PAQR9: variants seen among roughly 807,000 people sequenced by gnomAD.
The protein encoded by PAQR9 is progestin and adipoQ receptor family member 9.
Under a neutral mutation model 24.0 loss-of-function variants are expected in PAQR9, and 12 were observed. The observed-to-expected ratio is 0.50, with a 90% CI of 0.32 to 0.81. The LOEUF is 0.81. Ranked by LOEUF, PAQR9 falls within the 30% of genes least tolerant of loss-of-function variation. The pLI is 0.03. For missense variants in PAQR9, 418 were observed against 520.8 expected, an observed-to-expected ratio of 0.80 and a Z score of 1.92; for synonymous variants, 266 against 237.6, an observed-to-expected ratio of 1.12 and a Z score of -1.10.
At position 142,963,432 on chromosome 3, in the gene PAQR9, G is replaced by A. The variant is rs1934956862; in HGVS notation, c.-96C>T. The A allele has an allele frequency of 2.8e-6, 3 of 1,054,636 alleles. No individual in the cohort carries two copies. In the South Asian group the frequency reaches 1.4e-4, roughly 48 times the overall value. The allele number at this position is 1,054,636 out of a possible 1,614,324, so 65.3% of individuals were successfully genotyped here. On this transcript the variant is annotated 5_prime_UTR_variant, in exon 1 of 1. Coordinates refer to ENST00000340634, the MANE Select transcript of PAQR9 (RefSeq NM_198504.4). ...CGCCGGCCGCCGTCGGAGCCTTTGTGCCCACGCCGGGGGCGTCGCTGCAGG... is the reference window on the plus strand; with the variant it reads ...CGCCGGCCGCCGTCGGAGCCTTTGTACCCACGCCGGGGGCGTCGCTGCAGG...
chr3:142,952,053 G>GT (rs1934722768), downstream of PAQR9, among the ~76,000 whole-genome samples: 3 of 149,358 alleles, frequency 2.0e-5, no homozygotes, highest in Admixed American at 6.7e-5. Flanking sequence ...AAGAAGGGGG[G>GT]GGGGTGTTGT....
In PAQR9 at chr3:142,957,638, A is replaced by T. The variant is rs563019408; in HGVS notation, c.*4565T>A. Among the ~76,000 whole-genome samples, 4 of 152,324 alleles carry T rather than the reference A, an allele frequency of 2.6e-5. No individual in the cohort carries two copies. In the East Asian group the frequency reaches 7.7e-4, roughly 29 times the overall value. ...AGACATCTCAATTTAGGCACTTTGG[A>T]TGATCCACTCTTCATAATAGTATGA... On this transcript the variant is annotated 3_prime_UTR_variant, in exon 1 of 1. Coordinates refer to ENST00000340634, the MANE Select transcript of PAQR9 (RefSeq NM_198504.4).
chr3:142,962,281 G>A lies in PAQR9; in HGVS notation c.1056C>T (p.Tyr352=). 1 of 1,614,198 alleles carries A rather than the reference G, an allele frequency of 6.2e-7. No individual in the cohort carries two copies. The highest frequency in any genetic ancestry group is 8.5e-7 in the Non-Finnish European group (1 of 1,180,044). Residue 352 remains tyrosine, a synonymous_variant, in exon 1 of 1, where the codon TAC becomes TAT. Coordinates refer to ENST00000340634, the MANE Select transcript of PAQR9 (RefSeq NM_198504.4). ...AAPTFSGTVG[Y]MLLLVVCLGL... ...CCAGGCAGACCACCAGCAGCAGCAT[G>A]TAGCCCACAGTACCCGAGAAAGTGG...
At chr3:142,950,637 A>G (rs4683440), downstream of PAQR9, 208,575 of 378,862 alleles carry the variant, frequency 0.55, 60,958 homozygotes, top group African/African-American at 0.85. Flanking sequence ...CTATGGGGTA[A>G]CTCAGAGAAT....
rs1236074781 is a variant in PAQR9 at position 142,955,447 on chromosome 3, A to T, written c.*6756T>A. Among the ~76,000 whole-genome samples, 2 of 106,184 alleles carry T rather than the reference A, an allele frequency of 1.9e-5. No individual in the cohort carries two copies. The highest frequency in any genetic ancestry group is 1.4e-4 in the African/African-American group (2 of 14,260). The allele number at this position is 106,184 out of a possible 152,430, so 69.7% of individuals were successfully genotyped here. On this transcript the variant is annotated 3_prime_UTR_variant, in exon 1 of 1. Coordinates refer to ENST00000340634, the MANE Select transcript of PAQR9 (RefSeq NM_198504.4). ...ACCACATGGTCTATACAAATTAAAA[A>T]AAAAAAAAAAAAAAAAAAAAAAAAA... is the stretch of plus-strand genomic sequence containing the variant.
chr3:142,962,113 A>C lies in PAQR9; in HGVS notation c.*90T>G. On this transcript the variant is annotated 3_prime_UTR_variant, in exon 1 of 1. Coordinates refer to ENST00000340634, the MANE Select transcript of PAQR9 (RefSeq NM_198504.4). ...GCACCTTCCTTGAGCAAAGAAGAAAACACAATGAAATTTGAAAACAAACCA... is the reference window on the plus strand; with the variant it reads ...GCACCTTCCTTGAGCAAAGAAGAAACCACAATGAAATTTGAAAACAAACCA... 7.0e-7 allele frequency: 1 copy of C among 1,421,862 alleles called. No homozygotes were observed. Among genetic ancestry groups the C allele is most frequent in the Non-Finnish European group, 9.6e-7 (1 of 1,036,972 alleles). The allele number at this position is 1,421,862 out of a possible 1,614,324, so 88.1% of individuals were successfully genotyped here.
Position 142,956,340 on chromosome 3 carries a change from G to A in PAQR9, c.*5863C>T, listed in dbSNP as rs536504066. ...CCATTCTGCCTTGAGTGCTTATTGCGTATTTTGGGTGGAGGTATAAGGCAT... is the reference window on the plus strand; with the variant it reads ...CCATTCTGCCTTGAGTGCTTATTGCATATTTTGGGTGGAGGTATAAGGCAT... On this transcript the variant is annotated 3_prime_UTR_variant, in exon 1 of 1. Transcript: ENST00000340634. 5.3e-5 allele frequency among the ~76,000 whole-genome samples: 8 copies of A among 152,268 alleles called. No individual in the cohort carries two copies. Among genetic ancestry groups the A allele is most frequent in the East Asian group, 1.9e-4 (1 of 5,184 alleles).
rs766708197 is a variant in PAQR9 at position 142,962,180 on chromosome 3, G to T, written c.*23C>A. 7.5e-6 allele frequency: 12 copies of T among 1,603,328 alleles called. No individual in the cohort carries two copies. Among genetic ancestry groups the T allele is most frequent in the Non-Finnish European group, 1.0e-5 (12 of 1,173,616 alleles). ...AAACTCCAAACAGATGGGCGAACCA[G>T]TAGTCTCCTCCAAGGCGGAGGCTCA... On this transcript the variant is annotated 3_prime_UTR_variant, in exon 1 of 1. Transcript: ENST00000340634.
rs1234513165 is a variant in PAQR9, at chr3:142,963,090, C to T, written c.247G>A (p.Glu83Lys). The part of the protein sequence containing the change: ...CLASVLKPTN[E>K]TLNFWTHFIP... ...AAGTGCGTCCAGAAGTTGAGCGTCTCGTTGGTAGGCTTCAGCACCGAGGCT... is the reference window on the plus strand; with the variant it reads ...AAGTGCGTCCAGAAGTTGAGCGTCTTGTTGGTAGGCTTCAGCACCGAGGCT... Residue 83 changes from glutamate to lysine, a missense_variant, in exon 1 of 1, where the codon GAG becomes AAG. By Grantham distance (56) the Glu-to-Lys change is moderately conservative (BLOSUM62 1). Around this residue, in one of 3 missense-constraint regions of PAQR9, gnomAD observed 180 missense variants for 190.3 expected, o/e 0.95. Coordinates refer to ENST00000340634, the MANE Select transcript of PAQR9 (RefSeq NM_198504.4). 4 of 1,614,028 alleles carry T rather than the reference C, an allele frequency of 2.5e-6. No homozygotes were observed. The highest frequency in any genetic ancestry group is 3.4e-6 in the Non-Finnish European group (4 of 1,179,946).
chr3:142,952,979 C>G (rs1377672387), downstream of PAQR9: 6 of 434,024 alleles, frequency 1.4e-5, no homozygotes, highest in Non-Finnish European at 2.3e-5. Context: ...AGATACGAGA[C>G]AGCCCAAATG....
rs748604127 is a variant in PAQR9, at chr3:142,963,289, C to T, written c.48G>A (p.Pro16=). The T allele has an allele frequency of 3.4e-6, 5 of 1,459,958 alleles. No individual in the cohort carries two copies. Among genetic ancestry groups the T allele is most frequent in the African/African-American group, 2.9e-5 (2 of 69,294 alleles). 90.4% of individuals were successfully genotyped at this position (1,459,958 alleles called of 1,614,324 possible). ...QPRGAGTKGP[P]APAPAASGAA... is the part of the protein sequence containing the mutation. The stretch of plus-strand genomic sequence containing the variant: ...CCCCCGAAGCTGCCGGGGCCGGGGC[C>T]GGAGGGCCTTTTGTGCCCGCGCCCC... The change falls in exon 1 of 1, where the codon CCG becomes CCA. Residue 16 remains proline (P), a synonymous_variant. Coordinates refer to ENST00000340634, the MANE Select transcript of PAQR9 (RefSeq NM_198504.4).
chr3:142,952,877 G>C (rs1205997511), downstream of PAQR9: 2 of 456,518 alleles, frequency 4.4e-6, no homozygotes, highest in African/African-American at 4.0e-5. Context: ...GGGCAAGAGA[G>C]CTGAGAATCA....
downstream of PAQR9, chr3:142,950,709 G>A (rs942843529): frequency 4.9e-6 from 1 of 204,106 alleles, no homozygotes; most frequent in Admixed American, 5.2e-5. Context: ...CTCTGGGCTT[G>A]CAGGGCTACC....
chr3:142,963,280 G>A lies in PAQR9; in HGVS notation c.57C>T (p.Ala19=), dbSNP rs1199777975. ...TCCGGGCGGCCCCCGAAGCTGCCGGGGCCGGGGCCGGAGGGCCTTTTGTGC... is the reference window on the plus strand; with the variant it reads ...TCCGGGCGGCCCCCGAAGCTGCCGGAGCCGGGGCCGGAGGGCCTTTTGTGC... ...GAGTKGPPAP[A]PAASGAARNS... is the part of the protein sequence containing the mutation. The change falls in exon 1 of 1, where the codon GCC becomes GCT. Residue 19 remains alanine (A), a synonymous_variant. Transcript: ENST00000340634. 6.7e-7 allele frequency: 1 copy of A among 1,483,918 alleles called. No individual in the cohort carries two copies. The highest frequency in any genetic ancestry group is 2.3e-5 in the Admixed American group (1 of 44,032). The allele number at this position is 1,483,918 out of a possible 1,614,324, so 91.9% of individuals were successfully genotyped here.
At chr3:142,964,002 G>T (rs979488735), upstream of PAQR9, 1 of 470,824 alleles carries the variant, frequency 2.1e-6, no homozygotes, top group Non-Finnish European at 2.8e-6. Context: ...GCGTTCTGGA[G>T]GACACTGGGG....
At position 142,963,260 on chromosome 3, in the gene PAQR9, G is replaced by C. The variant is rs1472698389; in HGVS notation, c.77C>G (p.Ala26Gly). The C allele has an allele frequency of 6.6e-7, 1 of 1,525,510 alleles. No individual in the cohort carries two copies. Among genetic ancestry groups the C allele is most frequent in the African/African-American group, 1.4e-5 (1 of 72,398 alleles). 94.5% of individuals were successfully genotyped at this position (1,525,510 alleles called of 1,614,324 possible). ...GGAGGCGGCAGAGTGGGAGTTCCGG[G>C]CGGCCCCCGAAGCTGCCGGGGCCGG... is the stretch of plus-strand genomic sequence containing the variant. Reference protein sequence around the residue: ...PAPAPAASGAARNSHSAASRD... With the variant: ...PAPAPAASGAGRNSHSAASRD... The change falls in exon 1 of 1, where the codon GCC becomes GGC. Residue 26 changes from alanine (A) to glycine (G), a missense_variant. Physicochemically the swap from Ala to Gly is moderately conservative, Grantham distance 60. Transcript: ENST00000340634.
rs550383989 is a variant in PAQR9, at chr3:142,957,832, G to T, written c.*4371C>A. Among the ~76,000 whole-genome samples, 1 of 152,264 alleles carries T rather than the reference G, an allele frequency of 6.6e-6. No individual in the cohort carries two copies. Among genetic ancestry groups the T allele is most frequent in the South Asian group, 2.1e-4 (1 of 4,824 alleles). On this transcript the variant is annotated 3_prime_UTR_variant, in exon 1 of 1. Transcript: ENST00000340634. ...AGCACACAGAAAAAGAAAAAAGAAA[G>T]AAATTGATTGCTGAGGAAGTCAGCA...
chr3:142,949,315 G>A (rs969400605), exon 3 of PAQR9: 1 of 152,212 alleles, frequency 6.6e-6, no homozygotes, highest in Non-Finnish European at 1.5e-5. Context: ...CAGATAGACA[G>A]TGAGGTAGGG....
At position 142,957,720 on chromosome 3, in the gene PAQR9, A is replaced by C. The variant is rs950021281; in HGVS notation, c.*4483T>G. On this transcript the variant is annotated 3_prime_UTR_variant, in exon 1 of 1. Transcript: ENST00000340634. Reference sequence around the variant, plus strand: ...TAGTGTTTTCATAATATTAGTGATAAGTTTTTCAATTCTGTACATATGCCG... The same window carrying C: ...TAGTGTTTTCATAATATTAGTGATACGTTTTTCAATTCTGTACATATGCCG... Among the ~76,000 whole-genome samples, 2 of 152,182 alleles carry C rather than the reference A, an allele frequency of 1.3e-5. No individual in the cohort carries two copies. Among genetic ancestry groups the C allele is most frequent in the Non-Finnish European group, 1.5e-5 (1 of 68,030 alleles).
Sources: gnomAD v4.1 joint callset for allele counts (sites outside exome capture counted in the v4.1 genomes callset) on GRCh38, gnomAD v4.1.1 for gene constraint, gnomAD v4.1.1 regional missense constraint, MANE v1.5 for transcripts, NCBI Gene and HGNC (gene_info 2026-07-23, HGNC 2026-07-21) for gene names.